CHLSN: variants seen among roughly 807,000 people sequenced by gnomAD.
The protein encoded by CHLSN is protein cholesin.
At chr7:1,081,282 T>A in the CHLSN span, among the ~76,000 whole-genome samples, 1 of 152,132 alleles carries the variant, frequency 6.6e-6, no homozygotes, top group Non-Finnish European at 1.5e-5. Flanking sequence ...CTTGCCAGGC[T>A]GGGATTTGAG....
the CHLSN span, among the ~76,000 whole-genome samples, chr7:1,053,783 T>C: frequency 1.4e-4 from 21 of 152,086 alleles, no homozygotes; most frequent in African/African-American, 4.3e-4. Context: ...GCTGAGATCG[T>C]GCCACTGCAC....
the CHLSN span, among the ~76,000 whole-genome samples, chr7:1,054,526 G>A: frequency 3.4e-4 from 52 of 152,356 alleles, no homozygotes; most frequent in Middle Eastern, 6.8e-3. Flanking sequence ...AGCGCAGGGA[G>A]GAAATGCCAG....
chr7:1,023,315 G>A, the CHLSN span, among the ~76,000 whole-genome samples: 7 of 152,178 alleles, frequency 4.6e-5, no homozygotes, highest in Non-Finnish European at 1.0e-4. This position sits in a 1 kb window ranked among gnomAD's most constrained non-coding sequence, Gnocchi z 5.0. Flanking sequence ...GCCACCGCGG[G>A]GTCTGCGGAA....
chr7:1,053,391 C>T, the CHLSN span, among the ~76,000 whole-genome samples: 3 of 152,256 alleles, frequency 2.0e-5, no homozygotes, highest in Non-Finnish European at 4.4e-5. Flanking sequence ...AGCTCAGTGA[C>T]AGGGAGCTGG....
chr7:1,119,696 G>A, the CHLSN span, among the ~76,000 whole-genome samples: 4 of 152,154 alleles, frequency 2.6e-5, no homozygotes, highest in Non-Finnish European at 2.9e-5. Context: ...AGCCAACAAG[G>A]CGAAACCCTG....
the CHLSN span, among the ~76,000 whole-genome samples, chr7:1,083,510 C>T: frequency 6.6e-6 from 1 of 152,042 alleles, no homozygotes; most frequent in Non-Finnish European, 1.5e-5. Context: ...CGCCTGTAGT[C>T]CCAGCTACTC....
At chr7:984,820 G>T in the CHLSN span, 2 of 1,314,732 alleles carry the variant, frequency 1.5e-6, no homozygotes, top group Non-Finnish European at 2.1e-6. Flanking sequence ...CAGGGGGACG[G>T]GAGTGGGGAT....
chr7:1,018,154 C>A, the CHLSN span, among the ~76,000 whole-genome samples: 2 of 152,190 alleles, frequency 1.3e-5, no homozygotes, highest in African/African-American at 4.8e-5. Flanking sequence ...TGGCTAAGCA[C>A]CAGCTCCCAC....
chr7:1,093,995 C>T, the CHLSN span, among the ~76,000 whole-genome samples: 1 of 152,206 alleles, frequency 6.6e-6, no homozygotes, highest in South Asian at 2.1e-4. Context: ...TCCAGGCTGT[C>T]CAAAATGCCG....
the CHLSN span, among the ~76,000 whole-genome samples, chr7:1,136,732 G>C: frequency 6.6e-6 from 1 of 150,678 alleles, no homozygotes; most frequent in East Asian, 1.9e-4. Context: ...ATCATCTCAA[G>C]CTTAAGAATT....
At chr7:1,016,956 A>ACGC in the CHLSN span, among the ~76,000 whole-genome samples, 2 of 145,270 alleles carry the variant, frequency 1.4e-5, no homozygotes, top group Admixed American at 6.7e-5. Flanking sequence ...ACGCCAGCGC[A>ACGC]CAGCAGCACA....
At chr7:1,091,742 C>T in the CHLSN span, 8,420 of 1,530,888 alleles carry the variant, frequency 5.5e-3, 67 homozygotes, top group Admixed American at 0.025. Flanking sequence ...GATGTGACTT[C>T]CCAAGCCCGG....
chr7:1,057,913 T>C, the CHLSN span: 1 of 775,518 alleles, frequency 1.3e-6, no homozygotes, highest in Non-Finnish European at 2.4e-6. Flanking sequence ...GAGCGTGCAC[T>C]GCCGCGGACC....
chr7:987,142 C>T, the CHLSN span: 20 of 1,573,268 alleles, frequency 1.3e-5, no homozygotes, highest in East Asian at 2.1e-4. Flanking sequence ...CTGAGGCCAA[C>T]GCGGTGGCCT....
the CHLSN span, among the ~76,000 whole-genome samples, chr7:1,001,355 C>T: frequency 2.0e-5 from 3 of 150,008 alleles, no homozygotes; most frequent in Admixed American, 2.0e-4. Context: ...GTGTGGAGCC[C>T]TGTGGGTGGG....
chr7:988,285 C>G, the CHLSN span: 1 of 1,591,970 alleles, frequency 6.3e-7, no homozygotes, highest in South Asian at 1.1e-5. Flanking sequence ...AGGGCACGCC[C>G]GTGATTCCCC....
At chr7:1,111,494 G>A in the CHLSN span, among the ~76,000 whole-genome samples, 11 of 152,188 alleles carry the variant, frequency 7.2e-5, no homozygotes, top group Admixed American at 5.2e-4. Context: ...GCTGTTTGTC[G>A]TTTTGCTTAA....
At chr7:1,114,539 C>T in the CHLSN span, among the ~76,000 whole-genome samples, 1 of 152,246 alleles carries the variant, frequency 6.6e-6, no homozygotes, top group African/African-American at 2.4e-5. Context: ...GACACGGCTG[C>T]CCCCGCTCGG....
chr7:1,074,891 T>C, the CHLSN span: 1 of 152,470 alleles, frequency 6.6e-6, no homozygotes, highest in Admixed American at 6.5e-5. Context: ...GAGGGCAAGG[T>C]GGGCAGAGCC....
Sources: allele counts gnomAD v4.1 joint callset (sites outside exome capture counted in the v4.1 genomes callset), GRCh38; gene constraint gnomAD v4.1.1; non-coding constraint Gnocchi (gnomAD v3.1); transcripts MANE v1.5; gene names NCBI Gene and HGNC (gene_info 2026-07-23, HGNC 2026-07-21).